GAREM1: variants seen among roughly 807,000 people sequenced by gnomAD.
The protein encoded by GAREM1 is GRB2-associated and regulator of MAPK protein 1.
Under a neutral mutation model 71.3 loss-of-function variants are expected in GAREM1, and 26 were observed. That is an observed-to-expected ratio of 0.36 (90% CI 0.27 to 0.51). The LOEUF (loss-of-function observed/expected upper bound fraction) is 0.51, where lower values mean the gene tolerates loss of function less well. Among genes scored for constraint, GAREM1 ranks in the 20% least tolerant of loss-of-function variants. The pLI is 0.95. For synonymous variants in GAREM1, 440 were observed against 433.2 expected (o/e 1.02, Z -0.20); for missense variants, 1,026 against 1,103.1 (o/e 0.93, Z 0.99).
intron 2 of GAREM1, among the ~76,000 whole-genome samples, chr18:32,343,026 C>A (rs1314088549): frequency 6.6e-6 from 1 of 152,204 alleles, no homozygotes; most frequent in Non-Finnish European, 1.5e-5. Context: ...CAGTCAGTCT[C>A]CCTGTATCTC....
chr18:32,463,478 G>A (rs1261210757), intron 1 of GAREM1, among the ~76,000 whole-genome samples: 1 of 151,786 alleles, frequency 6.6e-6, no homozygotes, highest in African/African-American at 2.4e-5. Context: ...ATCATTTTTA[G>A]GCACAGCCAA....
At chr18:32,412,350 A>G in intron 1 of GAREM1, 4 of 1,592,944 alleles carry the variant, frequency 2.5e-6, no homozygotes, top group South Asian at 1.1e-5. Flanking sequence ...TCCTCCCTTC[A>G]TGGGTCCAAA....
chr18:32,325,838 G>A (rs982026206), intron 2 of GAREM1, among the ~76,000 whole-genome samples: 5 of 152,180 alleles, frequency 3.3e-5, no homozygotes, highest in Admixed American at 1.3e-4. Context: ...ATCCAGGACA[G>A]TAATACTGAC....
chr18:32,278,495 T>G (rs1206092502), intron 4 of GAREM1, among the ~76,000 whole-genome samples: 2 of 152,156 alleles, frequency 1.3e-5, no homozygotes, highest in Admixed American at 1.3e-4. Context: ...TAAAATGAGA[T>G]TCACCTTTCT....
intron 1 of GAREM1, among the ~76,000 whole-genome samples, chr18:32,441,008 TC>T (rs2048731316): frequency 6.6e-6 from 1 of 152,238 alleles, no homozygotes; most frequent in African/African-American, 2.4e-5. Context: ...TCTTTTTCTT[TC>T]TTAGCTGTAT....
At chr18:32,433,414 A>G (rs1325957206) in intron 1 of GAREM1, among the ~76,000 whole-genome samples, 1 of 151,768 alleles carries the variant, frequency 6.6e-6, no homozygotes, top group Non-Finnish European at 1.5e-5. Flanking sequence ...TATTCAACAT[A>G]ATACTAGAAG....
At chr18:32,427,044 G>C (rs2048582528) in intron 1 of GAREM1, among the ~76,000 whole-genome samples, 1 of 151,920 alleles carries the variant, frequency 6.6e-6, no homozygotes. Flanking sequence ...AGTTTTTTGA[G>C]ACCTAATAAA....
chr18:32,420,406 G>T (rs1396152865), intron 1 of GAREM1, among the ~76,000 whole-genome samples: 2 of 150,844 alleles, frequency 1.3e-5, no homozygotes, highest in Non-Finnish European at 1.5e-5. Flanking sequence ...TGAGGGAAAT[G>T]GGCACTATGA....
chr18:32,265,934 C>T lies in GAREM1; in HGVS notation c.*1937G>A, dbSNP rs185712888. The T allele has an allele frequency of 1.8e-4, 27 of 152,234 alleles. No individual in the cohort carries two copies. Among genetic ancestry groups the T allele is most frequent in the African/African-American group, 6.0e-4 (25 of 41,538 alleles). 9.4% of individuals were successfully genotyped at this position (152,234 alleles called of 1,614,324 possible). On this transcript the variant is annotated 3_prime_UTR_variant, in exon 6 of 6. Coordinates refer to ENST00000269209, the MANE Select transcript of GAREM1 (RefSeq NM_001242409.2). ...GGTTTACTTTACTAAGGGAGGCAGT[C>T]CCCCTCACACAGAAGGATGCTTTCA... is the stretch of plus-strand genomic sequence containing the variant.
chr18:32,283,113 A>C (rs1179320927), intron 4 of GAREM1, among the ~76,000 whole-genome samples: 2 of 152,244 alleles, frequency 1.3e-5, no homozygotes, highest in Non-Finnish European at 2.9e-5. Flanking sequence ...AGTTGGGCTC[A>C]GCTGCAACAG....
intron 1 of GAREM1, among the ~76,000 whole-genome samples, chr18:32,401,305 C>A (rs559237248): frequency 6.6e-6 from 1 of 151,612 alleles, no homozygotes; most frequent in African/African-American, 2.4e-5. Flanking sequence ...TGCACATGTA[C>A]CCTAGAACTT....
intron 1 of GAREM1, among the ~76,000 whole-genome samples, chr18:32,409,807 C>G (rs541024777): frequency 8.5e-5 from 13 of 152,106 alleles, no homozygotes; most frequent in African/African-American, 3.1e-4. Flanking sequence ...AACAGATAAG[C>G]AACTGTAGTA....
chr18:32,457,200 AG>A (rs1345947983), intron 1 of GAREM1, among the ~76,000 whole-genome samples: 3 of 22,884 alleles, frequency 1.3e-4, no homozygotes, highest in Admixed American at 8.9e-4. Context: ...TTGTGTGTGT[AG>A]GGGGGGAGAG....
At chr18:32,398,616 G>A (rs1475971967) in intron 1 of GAREM1, among the ~76,000 whole-genome samples, 1 of 152,136 alleles carries the variant, frequency 6.6e-6, no homozygotes, top group African/African-American at 2.4e-5. Context: ...GACTAAACCA[G>A]GAAGAAGTTG....
At chr18:32,284,953 G>A (rs943000890) in intron 4 of GAREM1, among the ~76,000 whole-genome samples, 2 of 151,946 alleles carry the variant, frequency 1.3e-5, no homozygotes, top group Admixed American at 6.6e-5. Context: ...GTTTCACCGT[G>A]TTAGCCAGGA....
chr18:32,308,202 T>G (rs1598949006), intron 3 of GAREM1, among the ~76,000 whole-genome samples: 1 of 150,894 alleles, frequency 6.6e-6, no homozygotes. Flanking sequence ...GCCTTTGAAC[T>G]CTTAAATGAT....
chr18:32,359,818 T>C (rs906085091), intron 2 of GAREM1, among the ~76,000 whole-genome samples: 32 of 152,146 alleles, frequency 2.1e-4, no homozygotes, highest in African/African-American at 7.2e-4. Flanking sequence ...CCCAGTTACA[T>C]GGGAGGCTGA....
chr18:32,317,248 T>C (rs564631457), intron 2 of GAREM1, among the ~76,000 whole-genome samples: 1 of 152,004 alleles, frequency 6.6e-6, no homozygotes, highest in South Asian at 2.1e-4. Context: ...CTACTAAAAA[T>C]ACAAAAATCA....
chr18:32,454,283 C>A (rs2048868188), intron 1 of GAREM1, among the ~76,000 whole-genome samples: 1 of 151,954 alleles, frequency 6.6e-6, no homozygotes, highest in Non-Finnish European at 1.5e-5. Context: ...ATTTAGAATG[C>A]CATCACTTGC....
Sources: gnomAD v4.1 joint callset for allele counts (sites outside exome capture counted in the v4.1 genomes callset) on GRCh38, gnomAD v4.1.1 for gene constraint, MANE v1.5 for transcripts, NCBI Gene and HGNC (gene_info 2026-07-23, HGNC 2026-07-21) for gene names.